Variants in FLVCR2 observed in about 807,000 individuals in gnomAD.
FLVCR2 encodes the protein FLVCR choline and putative heme transporter 2, also known as choline/ethanolamine transporter FLVCR2.
A neutral mutation model predicts 48.9 loss-of-function variants in FLVCR2; 38 were observed. That is an observed-to-expected ratio of 0.78 (90% CI 0.60 to 1.02). The LOEUF is 1.02. FLVCR2 is among the 50% of genes least tolerant of loss of function. The probability of loss-of-function intolerance (pLI) is 0.00; values close to 1 mark genes in which losing one functional copy is unlikely to be tolerated. For synonymous variants in FLVCR2, 255 were observed against 257.0 expected, an observed-to-expected ratio of 0.99 and a Z score of 0.07; for missense variants, 664 against 663.3, an observed-to-expected ratio of 1.00 and a Z score of -0.01.
chr14:75,579,122 C>A lies in FLVCR2; in HGVS notation c.150C>A (p.Ser50Arg). Reference protein sequence around the residue: ...SINPSVSVHPSSSAHPSALAQ... With the variant: ...SINPSVSVHPRSSAHPSALAQ... ...ACCCCAGCGTCTCTGTCCACCCCAGCAGTTCGGCCCACCCCAGTGCCTTAG... is the reference window on the plus strand; with the variant it reads ...ACCCCAGCGTCTCTGTCCACCCCAGAAGTTCGGCCCACCCCAGTGCCTTAG... Residue 50 changes from serine to arginine, a missense_variant, in exon 1 of 10, where the codon AGC (serine) becomes AGA (arginine). Coordinates refer to ENST00000238667, the MANE Select transcript of FLVCR2 (RefSeq NM_017791.3). 1.2e-6 allele frequency: 2 copies of A among 1,614,144 alleles called. No individual in the cohort carries two copies. Among genetic ancestry groups the A allele is most frequent in the Non-Finnish European group, 1.7e-6 (2 of 1,180,000 alleles).
chr14:75,634,315 T>G (rs368121171), intron 4 of FLVCR2, among the ~76,000 whole-genome samples: 36 of 152,328 alleles, frequency 2.4e-4, no homozygotes, highest in East Asian at 1.7e-3. Flanking sequence ...GAACTTAACA[T>G]ATGCCTTGTG....
intron 1 of FLVCR2, among the ~76,000 whole-genome samples, chr14:75,618,544 C>G (rs192867332): frequency 2.6e-3 from 396 of 152,300 alleles, no homozygotes; most frequent in African/African-American, 9.1e-3. Context: ...TGTAAGTCAA[C>G]TCAAAACCAG....
At position 75,641,302 on chromosome 14, in the gene FLVCR2, G is replaced by C. The variant is rs1390511692; in HGVS notation, c.1453+9G>C. On this transcript the variant is annotated intron_variant, in intron 8 of 9. Transcript: ENST00000238667. ...TGGAGCAGCCCTCACTGGTGAGTTG[G>C]AGCCTGAGGGCAAGATGAGGCTCAG... The C allele has an allele frequency of 6.3e-7, 1 of 1,597,066 alleles. No homozygotes were observed. Among genetic ancestry groups the C allele is most frequent in the African/African-American group, 1.3e-5 (1 of 74,456 alleles).
At chr14:75,605,498 T>C (rs774436302) in intron 1 of FLVCR2, 90 of 1,524,868 alleles carry the variant, frequency 5.9e-5, no homozygotes, top group Admixed American at 3.2e-4. Context: ...GCATCTTTCC[T>C]TTTTCATGCT....
intron 1 of FLVCR2, among the ~76,000 whole-genome samples, chr14:75,614,838 C>CGA (rs1013640392): frequency 1.3e-5 from 2 of 151,938 alleles, no homozygotes; most frequent in South Asian, 2.1e-4. Flanking sequence ...GGCAAGAGAG[C>CGA]GAGAGAGAGA....
At chr14:75,592,310 G>T (rs549219516) in intron 1 of FLVCR2, among the ~76,000 whole-genome samples, 1 of 152,036 alleles carries the variant, frequency 6.6e-6, no homozygotes, top group East Asian at 1.9e-4. Context: ...GGCCATGGCT[G>T]CTCTGGCCAG....
At position 75,622,208 on chromosome 14, in the gene FLVCR2, C is replaced by T. The variant is rs375861152; in HGVS notation, c.799C>T (p.Leu267Phe). The part of the protein sequence containing the change: ...IGGVATLLLI[L>F]VIIVFKEKPK... ...AGGTGTGGCCACTCTCCTCCTCATC[C>T]TTGTCATCATTGGTAAGGTCATTAG... The change falls in exon 2 of 10, where the codon CTT becomes TTT. Residue 267 changes from leucine to phenylalanine, a missense_variant. Coordinates refer to ENST00000238667, the MANE Select transcript of FLVCR2 (RefSeq NM_017791.3). 3 of 1,613,920 alleles carry T rather than the reference C, an allele frequency of 1.9e-6. No homozygotes were observed. Among genetic ancestry groups the T allele is most frequent in the Non-Finnish European group, 2.5e-6 (3 of 1,179,944 alleles).
intron 5 of FLVCR2, among the ~76,000 whole-genome samples, chr14:75,636,468 G>A (rs1028610159): frequency 8.5e-5 from 13 of 152,182 alleles, no homozygotes; most frequent in Non-Finnish European, 1.2e-4. Flanking sequence ...CCCTTTTTCC[G>A]GGGCTTGCTC....
intron 1 of FLVCR2, among the ~76,000 whole-genome samples, chr14:75,603,799 G>A (rs190646192): frequency 1.6e-4 from 25 of 152,240 alleles, no homozygotes; most frequent in Middle Eastern, 3.4e-3. Flanking sequence ...TCCTGTGCCC[G>A]CTTGCCTGTG....
At chr14:75,585,564 GGAGCAGCCCTGGGCTGTAATGTGGGT>G (rs1353435829) in intron 1 of FLVCR2, among the ~76,000 whole-genome samples, 3 of 152,150 alleles carry the variant, frequency 2.0e-5, no homozygotes, top group Admixed American at 2.0e-4. Flanking sequence ...AAGGGGGTGG[GGAGCAGCCCTGGGCTGTAATGTGGGT>G]GAGCAGCCAA....
At chr14:75,639,773 C>A (rs1450290431) in intron 6 of FLVCR2, among the ~76,000 whole-genome samples, 1 of 152,128 alleles carries the variant, frequency 6.6e-6, no homozygotes, top group Admixed American at 6.6e-5. Flanking sequence ...GGGCTTGGAA[C>A]CAGAGACTCT....
Position 75,640,935 on chromosome 14 carries a change from T to G in FLVCR2, c.1236-20T>G. 1 of 1,570,672 alleles carries G rather than the reference T, an allele frequency of 6.4e-7. No homozygotes were observed. Among genetic ancestry groups the G allele is most frequent in the Non-Finnish European group, 8.8e-7 (1 of 1,140,436 alleles). On this transcript the variant is annotated intron_variant, in intron 6 of 9. Transcript: ENST00000238667. ...TTCTGGAAGTTCTTCATCCCCTTGT[T>G]TCTCTGGTCTGGTCTTCAGCTTCTT...
chr14:75,631,709 AAGACGGGAGG>A (rs1890042867), intron 3 of FLVCR2: 1 of 454,236 alleles, frequency 2.2e-6, no homozygotes, highest in African/African-American at 2.0e-5. Context: ...AATGAATGGG[AAGACGGGAGG>A]AGACTATTTT....
chr14:75,621,364 C>T (rs1156617546), intron 1 of FLVCR2, among the ~76,000 whole-genome samples: 4 of 149,712 alleles, frequency 2.7e-5, no homozygotes, highest in Admixed American at 6.7e-5. Context: ...GCCGAGATTG[C>T]GCCACTGCAC....
At chr14:75,606,037 T>A (rs1210215027) in intron 1 of FLVCR2, 2 of 206,016 alleles carry the variant, frequency 9.7e-6, no homozygotes, top group East Asian at 2.5e-4. Flanking sequence ...TTTCGTTTTT[T>A]GAAACAGTGT....
chr14:75,595,926 T>C lies in FLVCR2; in HGVS notation c.669+16285T>C, dbSNP rs1889008163. The C allele has an allele frequency of 1.7e-5, 22 of 1,300,376 alleles. No homozygotes were observed. In the South Asian group the frequency reaches 1.9e-4, roughly 11 times the overall value. The allele number at this position is 1,300,376 out of a possible 1,614,324, so 80.6% of individuals were successfully genotyped here. A position where few individuals can be genotyped will look rare whatever the true frequency, so the allele number is the denominator to read the frequency against. Reference sequence around the variant, plus strand: ...GGTCTTTTTCTTCTCATACAGGCCATGTCTTGCAAGTCTATGTTTGGGTTC... The same window carrying C: ...GGTCTTTTTCTTCTCATACAGGCCACGTCTTGCAAGTCTATGTTTGGGTTC... On this transcript the variant is annotated intron_variant, in intron 1 of 9. Coordinates refer to ENST00000238667, the MANE Select transcript of FLVCR2 (RefSeq NM_017791.3).
chr14:75,594,808 C>T (rs934018121), intron 1 of FLVCR2, among the ~76,000 whole-genome samples: 2 of 152,072 alleles, frequency 1.3e-5, no homozygotes, highest in Non-Finnish European at 2.9e-5. Context: ...CAGCCCCAAC[C>T]TCCTGGGCTC....
At chr14:75,611,968 G>A (rs569675402) in intron 1 of FLVCR2, among the ~76,000 whole-genome samples, 54 of 152,114 alleles carry the variant, frequency 3.5e-4, no homozygotes, top group Non-Finnish European at 6.5e-4. Flanking sequence ...GTACAGATGA[G>A]TACTGATGGC....
At chr14:75,590,766 T>C (rs1271173618) in intron 1 of FLVCR2, among the ~76,000 whole-genome samples, 1 of 152,220 alleles carries the variant, frequency 6.6e-6, no homozygotes, top group Non-Finnish European at 1.5e-5. Context: ...GTAAGTTTCC[T>C]GAGGCCTCCC....
Sources: allele counts gnomAD v4.1 joint callset (sites outside exome capture counted in the v4.1 genomes callset), GRCh38; gene constraint gnomAD v4.1.1; transcripts MANE v1.5; gene names NCBI Gene and HGNC (gene_info 2026-07-23, HGNC 2026-07-21).